CYYR1: variants seen among roughly 807,000 people sequenced by gnomAD.
The protein encoded by CYYR1 is cysteine and tyrosine-rich protein 1.
CYYR1 carries 14 observed loss-of-function variants against 15.2 expected under a neutral mutation model. The ratio of observed to expected loss-of-function variants is 0.92; its 90% confidence interval spans 0.61 to 1.44. The LOEUF is 1.44. Ranked by LOEUF, CYYR1 falls within the 40% of genes most tolerant of loss-of-function variation. The probability of loss-of-function intolerance (pLI) is 0.00; values close to 1 mark genes in which losing one functional copy is unlikely to be tolerated. For synonymous variants in CYYR1, 80 were observed against 77.4 expected (o/e 1.03, Z -0.18); for missense variants, 228 against 209.5 (o/e 1.09, Z -0.54).
Position 26,509,420 on chromosome 21 carries a change from A to G in CYYR1, c.177-28991T>C, listed in dbSNP as rs544879535. On this transcript the variant is annotated intron_variant, in intron 2 of 3. Coordinates refer to ENST00000652641, the MANE Select transcript of CYYR1 (RefSeq NM_001320768.2). ...CCCTTTTTACTATTTTATTTTCTCC[A>G]TAGAACCAAAGACCAGTTTTTGTAC... Among the ~76,000 whole-genome samples, 6 of 152,242 alleles carry G rather than the reference A, an allele frequency of 3.9e-5. No individual in the cohort carries two copies. The East Asian group carries it at 9.7e-4, about 25-fold the overall frequency.
At chr21:26,507,878 G>A (rs2065590740) in intron 2 of CYYR1, among the ~76,000 whole-genome samples, 1 of 150,740 alleles carries the variant, frequency 6.6e-6, no homozygotes, top group Admixed American at 6.6e-5. Flanking sequence ...GAGCCAGAAT[G>A]GTATTTAGAG....
chr21:26,499,616 T>C (rs2065453284), intron 2 of CYYR1, among the ~76,000 whole-genome samples: 1 of 152,188 alleles, frequency 6.6e-6, no homozygotes, highest in Non-Finnish European at 1.5e-5. Flanking sequence ...ACAAGTCCAG[T>C]AGTGCAGGAC....
intron 2 of CYYR1, among the ~76,000 whole-genome samples, chr21:26,497,213 T>C (rs1410992139): frequency 1.3e-5 from 2 of 152,032 alleles, no homozygotes; most frequent in Non-Finnish European, 2.9e-5. Flanking sequence ...CCTACTAATG[T>C]ACGCTCAGCA....
chr21:26,566,082 T>A (rs1299758424), intron 2 of CYYR1, among the ~76,000 whole-genome samples, 184 bp downstream of exon 2: 1 of 152,242 alleles, frequency 6.6e-6, no homozygotes, highest in Non-Finnish European at 1.5e-5. Context: ...TTATTTTGCA[T>A]ATTTTGTCAA....
chr21:26,522,285 G>T (rs1373929493), intron 2 of CYYR1, among the ~76,000 whole-genome samples: 6 of 152,144 alleles, frequency 3.9e-5, no homozygotes, highest in Non-Finnish European at 5.9e-5. Flanking sequence ...GGACTTGAAA[G>T]TCCCTAAAAT....
At chr21:26,491,111 G>C (rs1047466755) in intron 2 of CYYR1, among the ~76,000 whole-genome samples, 8 of 152,106 alleles carry the variant, frequency 5.3e-5, no homozygotes, top group African/African-American at 1.9e-4. Flanking sequence ...TTATAAACTA[G>C]AGCCAAATAG....
At chr21:26,489,472 C>T (rs532580647) in intron 2 of CYYR1, among the ~76,000 whole-genome samples, 3 of 151,862 alleles carry the variant, frequency 2.0e-5, no homozygotes, top group East Asian at 3.9e-4. Flanking sequence ...TAATGAGAGT[C>T]GAATACATAT....
intron 2 of CYYR1, among the ~76,000 whole-genome samples, chr21:26,532,957 TTTTGTG>T (rs2065950980): frequency 6.6e-6 from 1 of 152,020 alleles, no homozygotes; most frequent in Non-Finnish European, 1.5e-5. Context: ...CATAAACAAA[TTTTGTG>T]TTTAGACTTG....
intron 2 of CYYR1, among the ~76,000 whole-genome samples, chr21:26,537,743 G>T (rs1192152258): frequency 6.6e-6 from 1 of 152,070 alleles, no homozygotes; most frequent in Non-Finnish European, 1.5e-5. Flanking sequence ...CCGAATATTT[G>T]GGTCCCCTTA....
At chr21:26,491,628 A>G (rs891347703) in intron 2 of CYYR1, among the ~76,000 whole-genome samples, 5 of 152,210 alleles carry the variant, frequency 3.3e-5, no homozygotes, top group Admixed American at 6.5e-5. Context: ...TAAATATTTA[A>G]AGATTCTAAT....
chr21:26,566,159 C>A, intron 2 of CYYR1, 107 bp downstream of exon 2: 1 of 751,474 alleles, frequency 1.3e-6, no homozygotes, highest in Non-Finnish European at 2.2e-6. Flanking sequence ...AATAACCAAT[C>A]TTGAAATCTC....
At chr21:26,515,808 T>C (rs2065720318) in intron 2 of CYYR1, among the ~76,000 whole-genome samples, 1 of 152,218 alleles carries the variant, frequency 6.6e-6, no homozygotes, top group African/African-American at 2.4e-5. Context: ...ATGCTTAAAA[T>C]ATGTTTTAAG....
At chr21:26,519,697 A>C (rs1179527979) in intron 2 of CYYR1, among the ~76,000 whole-genome samples, 1 of 152,186 alleles carries the variant, frequency 6.6e-6, no homozygotes, top group Non-Finnish European at 1.5e-5. Flanking sequence ...AGACTATCTA[A>C]ATTGAGAATA....
intron 2 of CYYR1, among the ~76,000 whole-genome samples, chr21:26,552,296 T>C (rs569754063): frequency 3.9e-5 from 6 of 152,284 alleles, no homozygotes; most frequent in Admixed American, 2.0e-4. Context: ...CAAGGTATAA[T>C]TGTACTTTGT....
chr21:26,520,329 G>A (rs934162311), intron 2 of CYYR1, among the ~76,000 whole-genome samples: 12 of 151,414 alleles, frequency 7.9e-5, no homozygotes, highest in African/African-American at 2.9e-4. Flanking sequence ...AACATGTGTT[G>A]TTTGGTTTTC....
At chr21:26,562,480 A>G (rs1336895219) in intron 2 of CYYR1, among the ~76,000 whole-genome samples, 1 of 152,064 alleles carries the variant, frequency 6.6e-6, no homozygotes, top group Non-Finnish European at 1.5e-5. Flanking sequence ...TCATTAAAGG[A>G]TCTATCTTTT....
chr21:26,514,489 A>G (rs1266792596), intron 2 of CYYR1, among the ~76,000 whole-genome samples: 2 of 152,226 alleles, frequency 1.3e-5, no homozygotes, highest in African/African-American at 4.8e-5. Flanking sequence ...GGAGGCAGTC[A>G]GAGGCCCTCA....
At chr21:26,493,869 T>C (rs2065360451) in intron 2 of CYYR1, among the ~76,000 whole-genome samples, 1 of 152,250 alleles carries the variant, frequency 6.6e-6, no homozygotes, top group Non-Finnish European at 1.5e-5. Flanking sequence ...ATCTACTCTT[T>C]AATACTGCAT....
rs1356266082 is a variant in CYYR1 at position 26,573,077 on chromosome 21, A to C, written c.-137T>G. ...GCAGAGACCCGGCCATTGCCTAGGG[A>C]GCCTTCCAAGGGAGCCCGGGCCGGG... On this transcript the variant is annotated 5_prime_UTR_variant, in exon 1 of 4. Coordinates refer to ENST00000652641, the MANE Select transcript of CYYR1 (RefSeq NM_001320768.2). 6.5e-7 allele frequency: 1 copy of C among 1,547,080 alleles called. No individual in the cohort carries two copies. The highest frequency in any genetic ancestry group is 2.0e-5 in the Admixed American group (1 of 51,176).
Sources: allele counts gnomAD v4.1 joint callset (sites outside exome capture counted in the v4.1 genomes callset), GRCh38; gene constraint gnomAD v4.1.1; transcripts MANE v1.5; gene names NCBI Gene and HGNC (gene_info 2026-07-23, HGNC 2026-07-21).